Variants in NCK2 observed in about 807,000 individuals in gnomAD.
NCK2 encodes cytoplasmic protein NCK2.
NCK2 carries 16 observed loss-of-function variants against 33.9 expected under a neutral mutation model. The ratio of observed to expected loss-of-function variants is 0.47; its 90% CI spans 0.32 to 0.72. The LOEUF is 0.72. Ranked by LOEUF, NCK2 falls within the 30% of genes least tolerant of loss-of-function variation. The pLI is 0.03. For synonymous variants in NCK2, 273 were observed against 239.9 expected (o/e 1.14, Z -1.27); for missense variants, 418 against 537.3 (o/e 0.78, Z 2.19).
At chr2:105,761,462 G>T (rs529266260) in intron 1 of NCK2, among the ~76,000 whole-genome samples, 76 of 152,160 alleles carry the variant, frequency 5.0e-4, no homozygotes, top group Admixed American at 1.0e-3. Context: ...AAGGCCAGGT[G>T]GGGGGACACT....
intron 1 of NCK2, among the ~76,000 whole-genome samples, chr2:105,815,804 C>T (rs965946501): frequency 4.6e-5 from 7 of 152,212 alleles, no homozygotes; most frequent in Admixed American, 1.3e-4. Context: ...TATCCATGCC[C>T]TTTGTAACCC....
chr2:105,849,920 A>G (rs1676997349), intron 2 of NCK2, among the ~76,000 whole-genome samples: 1 of 152,074 alleles, frequency 6.6e-6, no homozygotes, highest in Non-Finnish European at 1.5e-5. Context: ...CGGCCTCAGG[A>G]CTTTGTTTAC....
At chr2:105,839,549 A>G (rs1676555447) in intron 2 of NCK2, among the ~76,000 whole-genome samples, 1 of 152,212 alleles carries the variant, frequency 6.6e-6, no homozygotes, top group South Asian at 2.1e-4. Flanking sequence ...CCACTTACTC[A>G]GAAGGGCAGA....
intron 1 of NCK2, among the ~76,000 whole-genome samples, chr2:105,809,105 G>A (rs1675196960): frequency 6.6e-6 from 1 of 152,160 alleles, no homozygotes; most frequent in African/African-American, 2.4e-5. Flanking sequence ...AGAATGAATA[G>A]GTGTTGAAAA....
At chr2:105,860,550 C>T (rs1339110370) in intron 3 of NCK2, among the ~76,000 whole-genome samples, 2 of 152,054 alleles carry the variant, frequency 1.3e-5, no homozygotes, top group Non-Finnish European at 2.9e-5. Context: ...GATGAGCGAG[C>T]ATGTAGTCAG....
chr2:105,845,555 G>A (rs976329848), intron 2 of NCK2, among the ~76,000 whole-genome samples: 10 of 151,818 alleles, frequency 6.6e-5, no homozygotes, highest in Non-Finnish European at 1.3e-4. Context: ...CAGCATGCCC[G>A]GCTAATTTTT....
intron 2 of NCK2, among the ~76,000 whole-genome samples, chr2:105,820,226 A>T (rs1675672942): frequency 1.3e-5 from 2 of 152,220 alleles, no homozygotes; most frequent in East Asian, 3.8e-4. Flanking sequence ...TTCAGACAAT[A>T]CTGGCTTGGG....
chr2:105,849,657 A>G (rs535784120), intron 2 of NCK2, among the ~76,000 whole-genome samples: 1 of 152,296 alleles, frequency 6.6e-6, no homozygotes, highest in Admixed American at 6.5e-5. Context: ...CAAGAGGGCT[A>G]GGAGAGTGAC....
intron 3 of NCK2, chr2:105,855,590 C>T (rs1677229276): frequency 7.5e-6 from 2 of 267,806 alleles, no homozygotes; most frequent in Non-Finnish European, 1.4e-5. Context: ...GAATTCTCAC[C>T]TCTAAGTCTA....
chr2:105,892,862 G>T, intron 4 of NCK2, 120 bp from the exon 5 acceptor site: 6 of 599,508 alleles, frequency 1.0e-5, no homozygotes, highest in Non-Finnish European at 1.6e-5. Flanking sequence ...AAAAAAAAAA[G>T]CAGAGACCCA....
intron 2 of NCK2, among the ~76,000 whole-genome samples, chr2:105,838,669 G>A (rs1676524662): frequency 6.6e-6 from 1 of 152,142 alleles, no homozygotes; most frequent in Admixed American, 6.5e-5. Context: ...TGCAAGGTAG[G>A]GCCTCAGTGT....
At chr2:105,855,448 A>G (rs183722236) in intron 3 of NCK2, 159 bp downstream of exon 3, 95 of 607,600 alleles carry the variant, frequency 1.6e-4, no homozygotes, top group African/African-American at 1.5e-3. Flanking sequence ...AGAGATGAAG[A>G]TGGAGAAAGA....
intron 2 of NCK2, among the ~76,000 whole-genome samples, chr2:105,824,649 G>A (rs1675874917): frequency 6.6e-6 from 1 of 152,146 alleles, no homozygotes; most frequent in Non-Finnish European, 1.5e-5. Context: ...TTAGAACAGA[G>A]GTCTCTGGAG....
At chr2:105,838,282 T>C (rs1390270275) in intron 2 of NCK2, among the ~76,000 whole-genome samples, 4 of 151,526 alleles carry the variant, frequency 2.6e-5, no homozygotes, top group Non-Finnish European at 5.9e-5. Flanking sequence ...TAAATGCAAA[T>C]TTTTAAATGC....
chr2:105,790,847 G>A (rs1035124660), intron 1 of NCK2, among the ~76,000 whole-genome samples: 2 of 152,216 alleles, frequency 1.3e-5, no homozygotes, highest in Non-Finnish European at 2.9e-5. Flanking sequence ...TGTGCCCGAA[G>A]AAGGAAGGGT....
intron 1 of NCK2, among the ~76,000 whole-genome samples, chr2:105,812,658 T>A (rs1294902795): frequency 6.6e-6 from 1 of 152,180 alleles, no homozygotes; most frequent in Non-Finnish European, 1.5e-5. Context: ...TTTTTCTTTT[T>A]AAATAAAAGG....
At chr2:105,794,405 G>A (rs751501433) in intron 1 of NCK2, among the ~76,000 whole-genome samples, 35 of 152,006 alleles carry the variant, frequency 2.3e-4, no homozygotes, top group East Asian at 7.7e-4. Flanking sequence ...CCCTAGGATC[G>A]TTTACGTAAT....
At chr2:105,796,702 CT>C (rs1193011587) in intron 1 of NCK2, among the ~76,000 whole-genome samples, 2 of 151,946 alleles carry the variant, frequency 1.3e-5, no homozygotes, top group Non-Finnish European at 2.9e-5. Flanking sequence ...TATTCCCTTT[CT>C]TTTTTTTCCC....
intron 3 of NCK2, 118 bp downstream of exon 3, chr2:105,855,407 C>A (rs1677221912): frequency 2.7e-6 from 2 of 730,200 alleles, no homozygotes; most frequent in Non-Finnish European, 4.4e-6. Context: ...TAATATCTTC[C>A]TAGTTGTCTT....
Sources: allele counts gnomAD v4.1 joint callset (sites outside exome capture counted in the v4.1 genomes callset), GRCh38; gene constraint gnomAD v4.1.1; transcripts MANE v1.5; gene names NCBI Gene and HGNC (gene_info 2026-07-23, HGNC 2026-07-21).